Variants in GRAMD1B observed in about 807,000 individuals in gnomAD.
The protein encoded by GRAMD1B is GRAM domain containing 1B.
GRAMD1B carries 37 observed loss-of-function variants against 99.7 expected under a neutral mutation model. The observed-to-expected ratio is 0.37, with a 90% CI of 0.29 to 0.49. GRAMD1B has a LOEUF of 0.49. GRAMD1B is among the 20% of genes least tolerant of loss of function. The pLI is 0.98. For synonymous variants in GRAMD1B, 427 were observed against 387.6 expected (o/e 1.10, Z -1.19); for missense variants, 888 against 1,009.2 (o/e 0.88, Z 1.63).
chr11:123,616,632 G>C (rs536499396), intron 17 of GRAMD1B, among the ~76,000 whole-genome samples: 1 of 152,202 alleles, frequency 6.6e-6, no homozygotes, highest in African/African-American at 2.4e-5. Flanking sequence ...AGTGTCTGCC[G>C]ACAGCCTACA....
At chr11:123,594,269 G>A in intron 5 of GRAMD1B, 103 bp downstream of exon 5, 1 of 788,674 alleles carries the variant, frequency 1.3e-6, no homozygotes, top group South Asian at 1.4e-5. Flanking sequence ...ACCCAGGTAA[G>A]CAAGGGAACA....
At chr11:123,613,119 A>G (rs1486074927) in intron 15 of GRAMD1B, 3 of 556,038 alleles carry the variant, frequency 5.4e-6, no homozygotes, top group Non-Finnish European at 9.6e-6. Flanking sequence ...TCACCCCAAA[A>G]GGAACCACAG....
chr11:123,488,252 G>A (rs542350321), intron 2 of GRAMD1B, among the ~76,000 whole-genome samples: 3 of 152,194 alleles, frequency 2.0e-5, no homozygotes, highest in Admixed American at 6.5e-5. Flanking sequence ...TATACATTTG[G>A]GGGTGGGGCA....
intron 2 of GRAMD1B, among the ~76,000 whole-genome samples, chr11:123,520,772 C>A: frequency 2.3e-5 from 2 of 86,186 alleles, no homozygotes; most frequent in African/African-American, 4.9e-5. Flanking sequence ...GAGTGAGACC[C>A]TGTCAAAAAA....
chr11:123,552,273 CTTTTTT>C (rs71060514), intron 2 of GRAMD1B, among the ~76,000 whole-genome samples: 3 of 119,370 alleles, frequency 2.5e-5, no homozygotes, highest in Non-Finnish European at 5.0e-5. Context: ...CTCTTTCTTT[CTTTTTT>C]TTTTTTTTTT....
At chr11:123,472,097 G>A (rs1209608272) in intron 1 of GRAMD1B, among the ~76,000 whole-genome samples, 1 of 152,034 alleles carries the variant, frequency 6.6e-6, no homozygotes, top group Non-Finnish European at 1.5e-5. Flanking sequence ...GCCAGGCATG[G>A]TGGTGCGGGC....
At chr11:123,487,939 G>T (rs775636280) in intron 2 of GRAMD1B, among the ~76,000 whole-genome samples, 3 of 152,172 alleles carry the variant, frequency 2.0e-5, no homozygotes, top group African/African-American at 7.2e-5. Flanking sequence ...CTGAGCACCC[G>T]AGTGTCTTAG....
At chr11:123,519,359 T>A (rs1941974651) in intron 2 of GRAMD1B, among the ~76,000 whole-genome samples, 2 of 152,136 alleles carry the variant, frequency 1.3e-5, no homozygotes. Context: ...GCCCTGGCCA[T>A]CTGCTGGTCA....
chr11:123,480,482 G>C (rs1335141101), intron 1 of GRAMD1B, among the ~76,000 whole-genome samples: 1 of 152,152 alleles, frequency 6.6e-6, no homozygotes, highest in Admixed American at 6.5e-5. Context: ...TCCCATCAGA[G>C]AGAGGAAGAG....
chr11:123,606,874 T>C (rs1592248172), intron 11 of GRAMD1B, 76 bp downstream of exon 11: 2 of 1,137,948 alleles, frequency 1.8e-6, no homozygotes, highest in African/African-American at 1.5e-5. Context: ...ATGTGGGGAC[T>C]GTAGTTAGTC....
At chr11:123,522,420 G>A (rs1942277923) in intron 2 of GRAMD1B, among the ~76,000 whole-genome samples, 2 of 152,270 alleles carry the variant, frequency 1.3e-5, no homozygotes, top group East Asian at 1.9e-4. Flanking sequence ...CCAGGTTCCA[G>A]TGATTCTCCT....
At chr11:123,600,143 G>A (rs1951772640) in intron 7 of GRAMD1B, among the ~76,000 whole-genome samples, 1 of 152,210 alleles carries the variant, frequency 6.6e-6, no homozygotes, top group Non-Finnish European at 1.5e-5. Flanking sequence ...CTAGTTCATA[G>A]CTCACCCCTT....
intron 2 of GRAMD1B, among the ~76,000 whole-genome samples, chr11:123,555,609 A>G (rs2135929543): frequency 6.6e-6 from 1 of 152,278 alleles, no homozygotes; most frequent in African/African-American, 2.4e-5. Context: ...TCAGCCTTCC[A>G]AAGTGCTGGG....
intron 2 of GRAMD1B, among the ~76,000 whole-genome samples, chr11:123,483,391 C>CTTTTTT (rs67407274): frequency 6.7e-5 from 9 of 134,156 alleles, no homozygotes; most frequent in Non-Finnish European, 8.0e-5. Flanking sequence ...TTTTCTTTTT[C>CTTTTTT]TTTTTTTTTT....
chr11:123,361,641 T>C (rs148282013), intron 1 of GRAMD1B, among the ~76,000 whole-genome samples: 64 of 152,318 alleles, frequency 4.2e-4, no homozygotes, highest in African/African-American at 1.4e-3. Flanking sequence ...CTTGATTTGA[T>C]CCAGTGCCCC....
intron 2 of GRAMD1B, among the ~76,000 whole-genome samples, chr11:123,496,103 G>T (rs1939222960): frequency 6.6e-6 from 1 of 152,046 alleles, no homozygotes; most frequent in Admixed American, 6.5e-5. Flanking sequence ...TTTTCTTTCA[G>T]ATTAAAGAAC....
At chr11:123,519,210 G>A (rs1390981942) in intron 2 of GRAMD1B, among the ~76,000 whole-genome samples, 8 of 152,210 alleles carry the variant, frequency 5.3e-5, no homozygotes. Context: ...AGATGAATAG[G>A]CTAGAAGGCG....
At chr11:123,619,730 C>A (rs552499299) in intron 19 of GRAMD1B, among the ~76,000 whole-genome samples, 52 of 152,254 alleles carry the variant, frequency 3.4e-4, no homozygotes, top group African/African-American at 1.2e-3. Context: ...TATTCCCCCC[C>A]GCAAAACTAG....
chr11:123,407,351 T>A (rs1214008513), intron 1 of GRAMD1B, among the ~76,000 whole-genome samples: 2 of 152,166 alleles, frequency 1.3e-5, no homozygotes, highest in Admixed American at 1.3e-4. Flanking sequence ...CGTTTTGGCT[T>A]CTTGACATAT....
Sources: gnomAD v4.1 joint callset for allele counts (sites outside exome capture counted in the v4.1 genomes callset) on GRCh38, gnomAD v4.1.1 for gene constraint, MANE v1.5 for transcripts, NCBI Gene and HGNC (gene_info 2026-07-23, HGNC 2026-07-21) for gene names.